Variants in USP31 observed in about 807,000 individuals in gnomAD.
The protein encoded by USP31 is ubiquitin carboxyl-terminal hydrolase 31.
USP31 carries 44 observed loss-of-function variants against 119.4 expected under a neutral mutation model. That is an observed-to-expected ratio of 0.37 (90% confidence interval 0.29 to 0.47). The LOEUF is 0.47. Ranked by LOEUF, USP31 falls within the 20% of genes least tolerant of loss-of-function variation. The pLI, the probability that USP31 is intolerant of heterozygous loss-of-function variation, is 0.99. For missense variants in USP31, 1,643 were observed against 1,730.2 expected, an observed-to-expected ratio of 0.95 and a Z score of 0.89; for synonymous variants, 749 against 705.6, an observed-to-expected ratio of 1.06 and a Z score of -0.97.
intron 6 of USP31, among the ~76,000 whole-genome samples, chr16:23,098,060 A>T (rs1324863345): frequency 6.6e-6 from 1 of 152,198 alleles, no homozygotes; most frequent in Non-Finnish European, 1.5e-5. Flanking sequence ...ACATGATTGT[A>T]TATCTAGAAA....
At chr16:23,127,221 A>G (rs558746992) in intron 1 of USP31, among the ~76,000 whole-genome samples, 3 of 152,060 alleles carry the variant, frequency 2.0e-5, no homozygotes, top group Non-Finnish European at 4.4e-5. Context: ...TGAGCCCAGG[A>G]GTTCGAGACC....
chr16:23,094,015 C>T (rs1489623746), intron 6 of USP31, among the ~76,000 whole-genome samples: 3 of 152,112 alleles, frequency 2.0e-5, no homozygotes, highest in Admixed American at 6.5e-5. Flanking sequence ...GTACTGCCCA[C>T]GGAGGGTGAG....
rs757333349 is a variant in USP31 at position 23,069,617 on chromosome 16, C to T, written c.2489-1G>A. On this transcript the variant is annotated splice_acceptor_variant, in intron 15 of 15. Transcript: ENST00000219689. LOFTEE classifies it high-confidence loss of function. ...ACAAATGGTCGAGTTGAAAAGCCTC[C>T]TGAACACAGTAAAGAGAATACTGTT... 1 of 1,602,378 alleles carries T rather than the reference C, an allele frequency of 6.2e-7. No homozygotes were observed. Among genetic ancestry groups the T allele is most frequent in the Non-Finnish European group, 8.5e-7 (1 of 1,172,064 alleles).
intron 1 of USP31, among the ~76,000 whole-genome samples, chr16:23,112,316 C>T (rs1053667757): frequency 6.6e-6 from 1 of 152,152 alleles, no homozygotes; most frequent in Non-Finnish European, 1.5e-5. Context: ...TGGTGGCTCA[C>T]GCCTGTAATC....
At position 23,068,455 on chromosome 16, in the gene USP31, C is replaced by T. The variant is rs778472652; in HGVS notation, c.3650G>A (p.Arg1217Lys). 2 of 1,613,518 alleles carry T rather than the reference C, an allele frequency of 1.2e-6. No individual in the cohort carries two copies. The highest frequency in any genetic ancestry group is 1.7e-5 in the Admixed American group (1 of 60,026). Residue 1217 changes from arginine to lysine, a missense_variant, in exon 16 of 16, where the codon AGG becomes AAG. Coordinates refer to ENST00000219689, the MANE Select transcript of USP31 (RefSeq NM_020718.4). ...CCCCTTGTCCTCAGACTTGCTGTCC[C>T]TCTTCAAACCAGACTTGATGCTTGT... ...PSTSIKSGLK[R>K]DSKSEDKGLS...
At chr16:23,122,079 C>A (rs1356022088) in intron 1 of USP31, among the ~76,000 whole-genome samples, 1 of 152,154 alleles carries the variant, frequency 6.6e-6, no homozygotes, top group Non-Finnish European at 1.5e-5. Flanking sequence ...ATGTTATGCA[C>A]ACACAGGGGA....
At chr16:23,111,977 C>G (rs1902333013) in intron 1 of USP31, among the ~76,000 whole-genome samples, 1 of 151,936 alleles carries the variant, frequency 6.6e-6, no homozygotes, top group Non-Finnish European at 1.5e-5. Flanking sequence ...TCTGAATCAA[C>G]AAGAAAATAT....
At chr16:23,079,534 G>A (rs1377687056) in intron 13 of USP31, 1 of 157,676 alleles carries the variant, frequency 6.3e-6, no homozygotes, top group Non-Finnish European at 1.4e-5. Context: ...CTGTACTCCA[G>A]CCTGGGCAAC....
intron 1 of USP31, among the ~76,000 whole-genome samples, chr16:23,138,303 A>T (rs751582638): frequency 2.6e-5 from 4 of 152,202 alleles, no homozygotes; most frequent in African/African-American, 4.8e-5. Context: ...CCACAAATAA[A>T]ACATGTCTAA....
At chr16:23,145,538 A>G (rs1026813894) in intron 1 of USP31, among the ~76,000 whole-genome samples, 3 of 152,206 alleles carry the variant, frequency 2.0e-5, no homozygotes, top group African/African-American at 7.2e-5. Flanking sequence ...TATCAGCAGA[A>G]GCCTGCTGAG....
At chr16:23,090,321 G>A (rs186896668) in intron 7 of USP31, among the ~76,000 whole-genome samples, 54 of 152,266 alleles carry the variant, frequency 3.5e-4, no homozygotes, top group African/African-American at 7.2e-4. Flanking sequence ...GGGAGGCAGA[G>A]GTTGCAGTGA....
chr16:23,103,763 A>G (rs1223556055), intron 5 of USP31, among the ~76,000 whole-genome samples: 1 of 152,036 alleles, frequency 6.6e-6, no homozygotes, highest in Non-Finnish European at 1.5e-5. Context: ...AAAAATACAA[A>G]AATCAGCTGG....
At chr16:23,098,327 C>T (rs1901704968) in intron 6 of USP31, among the ~76,000 whole-genome samples, 1 of 152,058 alleles carries the variant, frequency 6.6e-6, no homozygotes, top group South Asian at 2.1e-4. Context: ...TAAAAGAGGA[C>T]ACAAACAAAT....
intron 12 of USP31, among the ~76,000 whole-genome samples, chr16:23,080,834 G>C (rs1215085982): frequency 6.6e-6 from 1 of 152,192 alleles, no homozygotes; most frequent in Admixed American, 6.5e-5. Context: ...TCTGTGAAGG[G>C]AAGAAAAATG....
At chr16:23,116,505 G>A (rs1024640760) in intron 1 of USP31, among the ~76,000 whole-genome samples, 32 of 152,192 alleles carry the variant, frequency 2.1e-4, no homozygotes, top group Non-Finnish European at 2.1e-4. Context: ...TGAAAAAATG[G>A]TAATATAGTG....
chr16:23,126,306 C>T (rs1209599605), intron 1 of USP31, among the ~76,000 whole-genome samples: 6 of 137,530 alleles, frequency 4.4e-5, no homozygotes, highest in African/African-American at 8.3e-5. Flanking sequence ...GGGTACAGAG[C>T]GACCCTGTCT....
rs770876213 is a variant in USP31 at position 23,064,252 on chromosome 16, C to G, written c.*3794G>C. On this transcript the variant is annotated 3_prime_UTR_variant, in exon 16 of 16. Coordinates refer to ENST00000219689, the MANE Select transcript of USP31 (RefSeq NM_020718.4). Reference sequence around the variant, plus strand: ...ATTGGAAACAATCACTTCGGCTGTTCAGTAATTTGTCCGAATGAAATGTAA... The same window carrying G: ...ATTGGAAACAATCACTTCGGCTGTTGAGTAATTTGTCCGAATGAAATGTAA... 7.9e-5 allele frequency: 12 copies of G among 152,558 alleles called. No individual in the cohort carries two copies. Among genetic ancestry groups the G allele is most frequent in the Non-Finnish European group, 1.5e-4 (10 of 68,038 alleles). 9.5% of individuals were successfully genotyped at this position (152,558 alleles called of 1,614,324 possible). A position where few individuals can be genotyped will look rare whatever the true frequency, so the allele number is the denominator to read the frequency against.
intron 1 of USP31, among the ~76,000 whole-genome samples, chr16:23,116,873 C>T (rs1902501170): frequency 1.3e-5 from 2 of 152,222 alleles, no homozygotes; most frequent in Admixed American, 1.3e-4. Flanking sequence ...GCAAATGCCA[C>T]ACACATTCCT....
At position 23,069,501 on chromosome 16, in the gene USP31, G is replaced by A. The variant is rs1477631461; in HGVS notation, c.2604C>T (p.Ser868=). 6.2e-7 allele frequency: 1 copy of A among 1,614,092 alleles called. No individual in the cohort carries two copies. Among genetic ancestry groups the A allele is most frequent in the Non-Finnish European group, 8.5e-7 (1 of 1,180,052 alleles). Residue 868 remains serine, a synonymous_variant, in exon 16 of 16, where the codon TCC becomes TCT. Transcript: ENST00000219689. ...VNENCMRPSW[S]LSAKLQMRSN... ...AGCGCATCTGCAGCTTAGCAGACAG[G>A]GACCATGAAGGTCTCATGCAATTTT...
Sources: allele counts gnomAD v4.1 joint callset (sites outside exome capture counted in the v4.1 genomes callset), GRCh38; gene constraint gnomAD v4.1.1; transcripts MANE v1.5; gene names NCBI Gene and HGNC (gene_info 2026-07-23, HGNC 2026-07-21).